The following MARCHF10 variants were observed in gnomAD, a reference collection of about 807,000 sequenced individuals.
The protein encoded by MARCHF10 is membrane associated ring-CH-type finger 10.
MARCHF10 carries 64 observed loss-of-function variants against 76.2 expected under a neutral mutation model. That is an observed-to-expected ratio of 0.84 (90% CI 0.69 to 1.03). MARCHF10 has a LOEUF of 1.03. Ranked by LOEUF, MARCHF10 falls within the 50% of genes least tolerant of loss-of-function variation. MARCHF10 has a pLI of 0.00. For synonymous variants in MARCHF10, 340 were observed against 357.5 expected, an observed-to-expected ratio of 0.95 and a Z score of 0.55; for missense variants, 875 against 958.0, an observed-to-expected ratio of 0.91 and a Z score of 1.14.
chr17:62,703,287 G>A (rs2089359158), intron 10 of MARCHF10: 1 of 152,388 alleles, frequency 6.6e-6, no homozygotes. Flanking sequence ...CCGAGCTAGG[G>A]CAGCAGGTCA....
intron 3 of MARCHF10, among the ~76,000 whole-genome samples, chr17:62,771,394 C>G (rs994755406): frequency 6.6e-6 from 1 of 151,634 alleles, no homozygotes; most frequent in Non-Finnish European, 1.5e-5. Context: ...GGTGCTCTAT[C>G]AGGAGGTGGC....
chr17:62,718,700 A>G (rs577710831), intron 8 of MARCHF10, among the ~76,000 whole-genome samples: 2 of 152,102 alleles, frequency 1.3e-5, no homozygotes, highest in South Asian at 2.1e-4. Flanking sequence ...CGCCTCCCAC[A>G]TGCTCAGCGT....
intron 10 of MARCHF10, among the ~76,000 whole-genome samples, chr17:62,703,791 CTT>C (rs1317971165): frequency 9.9e-5 from 15 of 152,242 alleles, no homozygotes; most frequent in African/African-American, 3.4e-4. Context: ...CGTGGCGACT[CTT>C]TTCGGAGCAC....
At chr17:62,779,293 G>A (rs1283722275) in intron 3 of MARCHF10, among the ~76,000 whole-genome samples, 3 of 152,162 alleles carry the variant, frequency 2.0e-5, no homozygotes, top group East Asian at 1.9e-4. Flanking sequence ...GAAGAGGCCC[G>A]ACCCACAAGG....
Position 62,790,406 on chromosome 17 carries a change from C to T in MARCHF10, c.91-1807G>A, listed in dbSNP as rs531976610. Among the ~76,000 whole-genome samples the T allele has an allele frequency of 5.7e-4, 87 of 152,284 alleles. 1 individual carries two copies. Among genetic ancestry groups the T allele is most frequent in the African/African-American group, 2.0e-3 (84 of 41,558 alleles). On this transcript the variant is annotated intron_variant, in intron 2 of 10. Transcript: ENST00000311269. ...GGCCAGGCTGGTCTTGAACTCCTGA[C>T]CTCAGGTGATCGGCCTGCCTCAGCC...
At chr17:62,718,194 G>A (rs2090316497) in intron 8 of MARCHF10, among the ~76,000 whole-genome samples, 5 of 152,302 alleles carry the variant, frequency 3.3e-5, no homozygotes, top group Admixed American at 2.6e-4. Flanking sequence ...TAAGAGAACT[G>A]AGGTGCAGAG....
chr17:62,762,376 T>C (rs1166990358), intron 3 of MARCHF10, among the ~76,000 whole-genome samples: 1 of 152,220 alleles, frequency 6.6e-6, no homozygotes, highest in Non-Finnish European at 1.5e-5. Flanking sequence ...AGCTAGAAGT[T>C]GGTGTTTTAT....
chr17:62,733,617 C>T (rs759075450), intron 6 of MARCHF10, among the ~76,000 whole-genome samples: 7 of 152,174 alleles, frequency 4.6e-5, no homozygotes, highest in Admixed American at 6.5e-5. Context: ...CTCTTCCACA[C>T]GAGCCAGGAG....
chr17:62,784,733 GACAA>G (rs1175054667), intron 3 of MARCHF10, among the ~76,000 whole-genome samples: 19 of 152,242 alleles, frequency 1.2e-4, no homozygotes, highest in East Asian at 7.7e-4. Context: ...ACCAATAACA[GACAA>G]ACAGACAGCC....
chr17:62,771,308 G>C (rs935570740), intron 3 of MARCHF10, among the ~76,000 whole-genome samples: 1 of 152,010 alleles, frequency 6.6e-6, no homozygotes, highest in African/African-American at 2.4e-5. Context: ...CCTCCCTATG[G>C]AAGTGACCTC....
chr17:62,746,193 C>T (rs1429957581), intron 4 of MARCHF10, among the ~76,000 whole-genome samples: 1 of 152,196 alleles, frequency 6.6e-6, no homozygotes. Flanking sequence ...CTGACGGGCC[C>T]CAGGAGGGCA....
chr17:62,795,355 T>TA (rs2092966567), intron 2 of MARCHF10, among the ~76,000 whole-genome samples: 1 of 14,184 alleles, frequency 7.1e-5, no homozygotes, highest in Non-Finnish European at 1.2e-4. Context: ...AATCATTTGA[T>TA]CAAAAAAAAA....
chr17:62,754,068 C>A (rs543031460), intron 4 of MARCHF10, among the ~76,000 whole-genome samples: 2 of 152,108 alleles, frequency 1.3e-5, no homozygotes, highest in South Asian at 4.2e-4. Flanking sequence ...CAAATTATAA[C>A]CACTTTTTTT....
At chr17:62,762,888 C>A (rs921804411) in intron 3 of MARCHF10, among the ~76,000 whole-genome samples, 4 of 152,310 alleles carry the variant, frequency 2.6e-5, no homozygotes, top group South Asian at 4.1e-4. Flanking sequence ...CAGGGAGGAT[C>A]GTCCTTGAGT....
chr17:62,746,351 G>A (rs374674479), intron 4 of MARCHF10, among the ~76,000 whole-genome samples: 1 of 152,090 alleles, frequency 6.6e-6, no homozygotes, highest in Non-Finnish European at 1.5e-5. Flanking sequence ...GAGAGTGAAA[G>A]TTCTCTGGAA....
In MARCHF10 at chr17:62,750,695, C is replaced by T. The variant is rs138019350; in HGVS notation, c.383-6167G>A. ...AGGAGGCACCTGGCCTAGATCTCAG[C>T]GTCACTGCGGAGTTAACCAAGGGAA... On this transcript the variant is annotated intron_variant, in intron 4 of 10. Transcript: ENST00000311269. Among the ~76,000 whole-genome samples, 401 of 152,316 alleles carry T rather than the reference C, an allele frequency of 2.6e-3. 3 individuals are homozygous for T. Among genetic ancestry groups the T allele is most frequent in the Non-Finnish European group, 4.5e-3 (307 of 68,026 alleles).
chr17:62,771,358 C>T (rs1398040797), intron 3 of MARCHF10, among the ~76,000 whole-genome samples: 1 of 151,502 alleles, frequency 6.6e-6, no homozygotes, highest in Non-Finnish European at 1.5e-5. Flanking sequence ...GTGAGTGCTG[C>T]AAGGGGAGGG....
chr17:62,716,431 C>CA (rs67814270), intron 8 of MARCHF10, among the ~76,000 whole-genome samples: 8,160 of 124,648 alleles, frequency 0.065, 300 homozygotes, highest in African/African-American at 0.12. Context: ...CCCCATCTCT[C>CA]AAAAAAAAAA....
chr17:62,763,735 C>G (rs2092264137), intron 3 of MARCHF10, among the ~76,000 whole-genome samples: 1 of 151,724 alleles, frequency 6.6e-6, no homozygotes, highest in Non-Finnish European at 1.5e-5. Context: ...CAAAATAAAA[C>G]AAAACCCAAC....
Sources: gnomAD v4.1 joint callset for allele counts (sites outside exome capture counted in the v4.1 genomes callset) on GRCh38, gnomAD v4.1.1 for gene constraint, MANE v1.5 for transcripts, NCBI Gene and HGNC (gene_info 2026-07-23, HGNC 2026-07-21) for gene names.